The following EBF1 variants were observed in gnomAD, a reference collection of about 807,000 sequenced individuals.
EBF1 encodes the protein EBF transcription factor 1.
In EBF1, 10 loss-of-function variants were observed where a neutral mutation model predicts 68.4. The observed-to-expected ratio is 0.15, with a 90% CI of 0.09 to 0.25. The LOEUF (loss-of-function observed/expected upper bound fraction) is 0.25. EBF1 is among the 10% of genes least tolerant of loss of function. The pLI, the probability that EBF1 is intolerant of heterozygous loss-of-function variation, is 1.00. For missense variants in EBF1, 509 were observed against 794.4 expected, an observed-to-expected ratio of 0.64 and a Z score of 4.32; for synonymous variants, 298 against 299.8, an observed-to-expected ratio of 0.99 and a Z score of 0.06.
At chr5:158,707,910 T>C in intron 15 of EBF1, 69 bp downstream of exon 15, 7 of 1,498,334 alleles carry the variant, frequency 4.7e-6, no homozygotes, top group Non-Finnish European at 5.4e-6. Flanking sequence ...GTGATGCATC[T>C]GCTTCAGGCC....
At chr5:158,909,188 G>T (rs560982248) in intron 6 of EBF1, among the ~76,000 whole-genome samples, 1 of 152,296 alleles carries the variant, frequency 6.6e-6, no homozygotes, top group East Asian at 1.9e-4. Flanking sequence ...ATGCACGAAG[G>T]TGTTACAAAC....
chr5:159,025,484 A>G (rs1245137903), intron 6 of EBF1, among the ~76,000 whole-genome samples: 1 of 152,164 alleles, frequency 6.6e-6, no homozygotes, highest in Non-Finnish European at 1.5e-5. Flanking sequence ...ACATGACATG[A>G]CATGCTTTAT....
chr5:158,877,702 A>G (rs1011800754), intron 6 of EBF1, among the ~76,000 whole-genome samples: 2 of 151,508 alleles, frequency 1.3e-5, no homozygotes, highest in South Asian at 2.1e-4. Context: ...CTACAAACGC[A>G]CACACACACA....
chr5:158,737,988 T>G (rs1270418118), intron 10 of EBF1, among the ~76,000 whole-genome samples: 1 of 152,188 alleles, frequency 6.6e-6, no homozygotes, highest in African/African-American at 2.4e-5. Context: ...GAAATCACCT[T>G]ACTGTTTTTC....
intron 7 of EBF1, among the ~76,000 whole-genome samples, chr5:158,826,348 C>T (rs535631896): frequency 3.9e-5 from 6 of 152,228 alleles, no homozygotes; most frequent in East Asian, 1.9e-4. Context: ...TTAAACTAAA[C>T]GACATTTTAG....
chr5:159,059,150 T>C (rs530785908), intron 6 of EBF1, among the ~76,000 whole-genome samples: 139 of 152,246 alleles, frequency 9.1e-4, no homozygotes, highest in Admixed American at 2.9e-3. Flanking sequence ...GCTGACAAAT[T>C]TCCAGGCAAT....
At chr5:158,924,393 C>T (rs1330286906) in intron 6 of EBF1, among the ~76,000 whole-genome samples, 2 of 152,152 alleles carry the variant, frequency 1.3e-5, no homozygotes, top group African/African-American at 4.8e-5. Context: ...GAACACAAAT[C>T]CCTGGATGCC....
chr5:158,874,222 T>C (rs779652562), intron 6 of EBF1, among the ~76,000 whole-genome samples: 13 of 152,158 alleles, frequency 8.5e-5, no homozygotes, highest in Non-Finnish European at 1.6e-4. Context: ...CTGTGGTGAA[T>C]CTGGCTTTTG....
chr5:158,725,348 C>T (rs1454802627), intron 11 of EBF1, among the ~76,000 whole-genome samples: 1 of 152,202 alleles, frequency 6.6e-6, no homozygotes, highest in Non-Finnish European at 1.5e-5. Flanking sequence ...CAACCTACTG[C>T]ACAGCCAGCC....
At chr5:159,077,745 CTTTTTT>C (rs58717165) in intron 5 of EBF1, among the ~76,000 whole-genome samples, 1 of 80,616 alleles carries the variant, frequency 1.2e-5, no homozygotes, top group Non-Finnish European at 2.4e-5. Flanking sequence ...CAGTGGTTTG[CTTTTTT>C]TTTTTTTTTT....
intron 6 of EBF1, among the ~76,000 whole-genome samples, chr5:158,929,909 T>C (rs898072006): frequency 5.9e-5 from 9 of 152,312 alleles, no homozygotes; most frequent in Admixed American, 5.9e-4. Context: ...CCCCTACACC[T>C]TTTTTGTTGT....
At chr5:158,722,375 C>T (rs1762103198) in intron 11 of EBF1, among the ~76,000 whole-genome samples, 1 of 152,196 alleles carries the variant, frequency 6.6e-6, no homozygotes, top group Admixed American at 6.5e-5. Context: ...TGTCTTTTGG[C>T]TGTGGCTTCT....
At chr5:158,812,018 A>G (rs953080512) in intron 8 of EBF1, among the ~76,000 whole-genome samples, 1 of 152,176 alleles carries the variant, frequency 6.6e-6, no homozygotes, top group Admixed American at 6.5e-5. Context: ...GCACTTAACC[A>G]TCATTGCAGT....
chr5:158,988,934 G>A (rs750222110), intron 6 of EBF1, among the ~76,000 whole-genome samples: 13 of 152,224 alleles, frequency 8.5e-5, no homozygotes, highest in Admixed American at 3.9e-4. Context: ...ATCTCCAGTT[G>A]AATTAGTTCC....
intron 10 of EBF1, among the ~76,000 whole-genome samples, chr5:158,767,954 C>A: frequency 6.6e-6 from 1 of 152,076 alleles, no homozygotes; most frequent in Middle Eastern, 3.2e-3. Context: ...AAAAGTACAG[C>A]ACGTGGTGGG....
At chr5:158,700,032 T>A (rs1295097287) in intron 15 of EBF1, among the ~76,000 whole-genome samples, 1 of 152,110 alleles carries the variant, frequency 6.6e-6, no homozygotes, top group Non-Finnish European at 1.5e-5. Flanking sequence ...ACACTTAGGG[T>A]TATTGGAGAG....
chr5:158,953,962 T>C (rs1583437492), intron 6 of EBF1, among the ~76,000 whole-genome samples: 1 of 152,226 alleles, frequency 6.6e-6, no homozygotes, highest in East Asian at 1.9e-4. Flanking sequence ...GATTTTACTG[T>C]ATTTTTCCCA....
chr5:159,048,678 C>T (rs1023768082), intron 6 of EBF1, among the ~76,000 whole-genome samples: 1 of 152,148 alleles, frequency 6.6e-6, no homozygotes. Context: ...TTCCTGCTTC[C>T]TAAGATCATG....
intron 6 of EBF1, among the ~76,000 whole-genome samples, chr5:159,008,471 G>A (rs1763990314): frequency 6.6e-6 from 1 of 151,400 alleles, no homozygotes; most frequent in Admixed American, 6.6e-5. Context: ...GGGAGTTGGT[G>A]TGAATAAATC....
Sources: gnomAD v4.1 joint callset for allele counts (sites outside exome capture counted in the v4.1 genomes callset) on GRCh38, gnomAD v4.1.1 for gene constraint, MANE v1.5 for transcripts, NCBI Gene and HGNC (gene_info 2026-07-23, HGNC 2026-07-21) for gene names.